Variants in PAX7 observed in about 807,000 individuals in gnomAD.
PAX7 encodes the protein paired box 7.
PAX7 carries 18 observed loss-of-function variants against 50.7 expected under a neutral mutation model. The ratio of observed to expected loss-of-function variants is 0.36; its 90% CI spans 0.25 to 0.53. The LOEUF is 0.53. Among genes scored for constraint, PAX7 ranks in the 20% least tolerant of loss-of-function variants. The pLI is 0.93. For synonymous variants in PAX7, 310 were observed against 290.4 expected (o/e 1.07, Z -0.69); for missense variants, 644 against 702.9 (o/e 0.92, Z 0.95).
chr1:18,728,303 G>T (rs1298806276), intron 7 of PAX7, among the ~76,000 whole-genome samples: 1 of 152,042 alleles, frequency 6.6e-6, no homozygotes, highest in Non-Finnish European at 1.5e-5. Context: ...GGTTTTCATG[G>T]ATGTCGTTCT....
At chr1:18,721,112 T>C (rs1474429313) in intron 7 of PAX7, among the ~76,000 whole-genome samples, 1 of 151,958 alleles carries the variant, frequency 6.6e-6, no homozygotes, top group East Asian at 1.9e-4. Flanking sequence ...CTCCAGCCTC[T>C]TCTCCCACTC....
At chr1:18,654,581 C>T (rs993883124) in intron 4 of PAX7, among the ~76,000 whole-genome samples, 3 of 152,206 alleles carry the variant, frequency 2.0e-5, no homozygotes, top group Non-Finnish European at 4.4e-5. Flanking sequence ...TGAGAACTAT[C>T]TAGGGTAGCA....
chr1:18,683,402 T>TA (rs142148962), intron 4 of PAX7, among the ~76,000 whole-genome samples: 15,089 of 152,278 alleles, frequency 0.099, 1,382 homozygotes, highest in African/African-American at 0.24. Flanking sequence ...TGCCGTAAGA[T>TA]ACCAAGTCAT....
intron 7 of PAX7, among the ~76,000 whole-genome samples, chr1:18,710,831 A>G (rs2089341534): frequency 6.6e-6 from 1 of 152,130 alleles, no homozygotes; most frequent in Non-Finnish European, 1.5e-5. Context: ...GGGCGTCAGG[A>G]GGAGGTGTGG....
chr1:18,633,596 A>G (rs745932443), intron 1 of PAX7, among the ~76,000 whole-genome samples: 16 of 152,192 alleles, frequency 1.1e-4, no homozygotes, highest in Non-Finnish European at 1.8e-4. Flanking sequence ...CCAAAACGAA[A>G]TTAGGACTTC....
chr1:18,694,508 A>C (rs1222613371), intron 5 of PAX7, among the ~76,000 whole-genome samples: 2 of 146,658 alleles, frequency 1.4e-5, no homozygotes, highest in Non-Finnish European at 3.0e-5. Flanking sequence ...AAATAAATAA[A>C]TATAAAATAA....
chr1:18,686,678 C>A (rs1218050301), intron 4 of PAX7, among the ~76,000 whole-genome samples: 1 of 151,980 alleles, frequency 6.6e-6, no homozygotes, highest in Non-Finnish European at 1.5e-5. Flanking sequence ...AAGGGCACCC[C>A]AAGAGAGTGG....
At chr1:18,685,349 CA>C (rs2088959652) in intron 4 of PAX7, among the ~76,000 whole-genome samples, 1 of 152,200 alleles carries the variant, frequency 6.6e-6, no homozygotes, top group Admixed American at 6.5e-5. Context: ...CAAGCTCTGT[CA>C]AGCTCTATTC....
intron 4 of PAX7, among the ~76,000 whole-genome samples, chr1:18,675,545 T>A (rs2088811510): frequency 6.6e-6 from 1 of 151,706 alleles, no homozygotes. Context: ...GGAGGTGGGG[T>A]AATTAATACA....
chr1:18,673,878 C>T (rs1470492623), intron 4 of PAX7, among the ~76,000 whole-genome samples: 1 of 152,160 alleles, frequency 6.6e-6, no homozygotes, highest in Non-Finnish European at 1.5e-5. Context: ...AGGGGGAATT[C>T]GACGGAATAT....
At chr1:18,698,998 G>A (rs533395392) in intron 5 of PAX7, among the ~76,000 whole-genome samples, 18 of 152,274 alleles carry the variant, frequency 1.2e-4, no homozygotes, top group African/African-American at 2.2e-4. Flanking sequence ...GGGAGGTGGC[G>A]GCCTTCACCC....
chr1:18,733,796 C>T (rs1449441445), intron 7 of PAX7, among the ~76,000 whole-genome samples: 1 of 152,220 alleles, frequency 6.6e-6, no homozygotes, highest in Non-Finnish European at 1.5e-5. Flanking sequence ...CTCATTCATT[C>T]TTGAGAGTTG....
At chr1:18,685,277 G>A (rs1239137083) in intron 4 of PAX7, among the ~76,000 whole-genome samples, 1 of 152,212 alleles carries the variant, frequency 6.6e-6, no homozygotes, top group East Asian at 1.9e-4. Context: ...AAACTGTAGA[G>A]TGTTGTGTGC....
chr1:18,719,726 GCC>G (rs1053786454), intron 7 of PAX7, among the ~76,000 whole-genome samples: 1 of 152,190 alleles, frequency 6.6e-6, no homozygotes, highest in Admixed American at 6.5e-5. Flanking sequence ...CCTTCCCTGA[GCC>G]CCCTGGACTG....
At position 18,636,835 on chromosome 1, in the gene PAX7, CA is replaced by C; in HGVS notation, c.586+465del. On this transcript the variant is annotated intron_variant, in intron 4 of 8. Coordinates refer to ENST00000420770, the MANE Select transcript of PAX7 (RefSeq NM_001135254.2). The surrounding 1 kb of genome is among the most constrained non-coding windows in gnomAD (Gnocchi z 5.1). Reference sequence around the variant, plus strand: ...TAAATGAATTTGTTAACCAGACCCCCACACGCTCTCTAAACGGTCCCTTGAA... The same window carrying C: ...TAAATGAATTTGTTAACCAGACCCCCCACGCTCTCTAAACGGTCCCTTGAA... Among the ~76,000 whole-genome samples the C allele has an allele frequency of 6.6e-6, 1 of 152,156 alleles. No homozygotes were observed. Among genetic ancestry groups the C allele is most frequent in the East Asian group, 1.9e-4 (1 of 5,176 alleles).
rs969250171 is a variant in PAX7, at chr1:18,726,114, C to T, written c.1156-9518C>T. Among the ~76,000 whole-genome samples, 2 of 146,284 alleles carry T rather than the reference C, an allele frequency of 1.4e-5. No homozygotes were observed. The highest frequency in any genetic ancestry group is 2.6e-5 in the African/African-American group (1 of 38,548). On this transcript the variant is annotated intron_variant, in intron 7 of 8. Transcript: ENST00000420770. The surrounding 1 kb of genome is among the most constrained non-coding windows in gnomAD (Gnocchi z 4.8). ...CCTCCGCCCCCACCTCACCTCTAGA[C>T]ATCTTATAAAACAGACATTGGAAGA...
intron 4 of PAX7, among the ~76,000 whole-genome samples, chr1:18,679,593 T>C (rs2088869191): frequency 6.6e-6 from 1 of 152,196 alleles, no homozygotes; most frequent in Admixed American, 6.5e-5. Context: ...TTAGTGCCTC[T>C]AGCATTTATG....
Position 18,648,340 on chromosome 1 carries a change from C to CTTTT in PAX7, c.586+11985_586+11988dup, listed in dbSNP as rs531869233. On this transcript the variant is annotated intron_variant, in intron 4 of 8. Transcript: ENST00000420770. Reference sequence around the variant, plus strand: ...ATTCACTCTACTACTTTATTTTTGTCTTTTTTTTTTTTTTTTTTTGAGACT... The same window carrying CTTTT: ...ATTCACTCTACTACTTTATTTTTGTCTTTTTTTTTTTTTTTTTTTTTTTGAGACT... 2.1e-4 allele frequency among the ~76,000 whole-genome samples: 25 copies of CTTTT among 119,714 alleles called. 1 individual carries two copies. Among genetic ancestry groups the CTTTT allele is most frequent in the African/African-American group, 6.4e-4 (20 of 31,014 alleles). 78.5% of individuals were successfully genotyped at this position (119,714 alleles called of 152,430 possible).
At chr1:18,656,690 T>TA (rs911821195) in intron 4 of PAX7, among the ~76,000 whole-genome samples, 8 of 149,066 alleles carry the variant, frequency 5.4e-5, no homozygotes, top group Non-Finnish European at 8.9e-5. Flanking sequence ...AATGCATGCA[T>TA]AAAAAAAAGG....
Sources: allele counts gnomAD v4.1 joint callset (sites outside exome capture counted in the v4.1 genomes callset), GRCh38; gene constraint gnomAD v4.1.1; non-coding constraint Gnocchi (gnomAD v3.1); transcripts MANE v1.5; gene names NCBI Gene and HGNC (gene_info 2026-07-23, HGNC 2026-07-21).